Variants in HSPA4L observed in about 807,000 individuals in gnomAD.
The protein encoded by HSPA4L is heat shock protein family A (Hsp70) member 4 like.
In HSPA4L, 48 loss-of-function variants were observed where a neutral mutation model predicts 100.3. The observed-to-expected ratio is 0.48, with a 90% CI of 0.38 to 0.61. The LOEUF (loss-of-function observed/expected upper bound fraction) is 0.61, where lower values mean the gene tolerates loss of function less well. HSPA4L is among the 20% of genes least tolerant of loss of function. The probability of loss-of-function intolerance (pLI) is 0.00; values close to 1 mark genes in which losing one functional copy is unlikely to be tolerated. For missense variants in HSPA4L, 886 were observed against 988.6 expected (o/e 0.90, Z 1.39); for synonymous variants, 319 against 328.2 (o/e 0.97, Z 0.30).
intron 6 of HSPA4L, among the ~76,000 whole-genome samples, 192 bp downstream of exon 6, chr4:127,802,110 A>C (rs1012854751): frequency 1.3e-5 from 2 of 152,180 alleles, no homozygotes; most frequent in Admixed American, 6.5e-5. Flanking sequence ...TTTCAGGACA[A>C]AATGAGTTAA....
intron 11 of HSPA4L, 77 bp from the exon 12 acceptor site, chr4:127,811,360 T>C: frequency 3.6e-6 from 4 of 1,102,968 alleles, no homozygotes; most frequent in Non-Finnish European, 5.5e-6. Flanking sequence ...ATCTTAAAGA[T>C]GATAGCCAAA....
Position 127,833,158 on chromosome 4 carries a change from CTTAT to C in HSPA4L, c.*288_*291del, listed in dbSNP as rs1326462242. ...GGATACATAGTTGGCAACAGTCTAC[CTTAT>C]TTAAAGCTTCTACTGGGATAAACCT... On this transcript the variant is annotated 3_prime_UTR_variant, in exon 19 of 19. Transcript: ENST00000296464. The C allele has an allele frequency of 4.0e-6, 1 of 251,980 alleles. No individual in the cohort carries two copies. 15.6% of individuals were successfully genotyped at this position (251,980 alleles called of 1,614,324 possible).
At chr4:127,789,109 G>A (rs896067937) in intron 1 of HSPA4L, among the ~76,000 whole-genome samples, 2 of 152,050 alleles carry the variant, frequency 1.3e-5, no homozygotes, top group African/African-American at 4.8e-5. Context: ...ACCTAATTAC[G>A]CTTGGCCTTA....
intron 17 of HSPA4L, among the ~76,000 whole-genome samples, chr4:127,829,824 CA>C (rs1734035830): frequency 6.7e-6 from 1 of 150,072 alleles, no homozygotes; most frequent in African/African-American, 2.5e-5. Flanking sequence ...GATGAACTGG[CA>C]AAAGAAACTT....
chr4:127,826,763 TAC>T (rs1425656372), intron 16 of HSPA4L, among the ~76,000 whole-genome samples: 2 of 152,276 alleles, frequency 1.3e-5, no homozygotes, highest in South Asian at 2.1e-4. Flanking sequence ...TTCCCAAAAC[TAC>T]AGAGTCTGTT....
Position 127,836,716 on chromosome 4 carries a change from TA to T in HSPA4L, c.*3844del, listed in dbSNP as rs1433772056. 6.6e-6 allele frequency: 1 copy of T among 152,076 alleles called. No individual in the cohort carries two copies. Among genetic ancestry groups the T allele is most frequent in the Non-Finnish European group, 1.5e-5 (1 of 68,020 alleles). 9.4% of individuals were successfully genotyped at this position (152,076 alleles called of 1,614,324 possible). The stretch of plus-strand genomic sequence containing the variant: ...AGACATTTGAATATAGTAATCAAAT[TA>T]ACTGATTTTGTTTTCACCCTAAATA... On this transcript the variant is annotated 3_prime_UTR_variant, in exon 19 of 19. Coordinates refer to ENST00000296464, the MANE Select transcript of HSPA4L (RefSeq NM_014278.4).
chr4:127,824,532 T>C (rs1412345752), intron 16 of HSPA4L, among the ~76,000 whole-genome samples: 1 of 152,220 alleles, frequency 6.6e-6, no homozygotes, highest in Non-Finnish European at 1.5e-5. Flanking sequence ...TGTTTATAGA[T>C]GATCAGAGTG....
intron 10 of HSPA4L, 59 bp from the exon 11 acceptor site, chr4:127,807,937 A>G (rs1243982327): frequency 6.6e-7 from 1 of 1,516,050 alleles, no homozygotes. Context: ...GGATTCAGTA[A>G]ATAGGTTCAT....
In HSPA4L at chr4:127,805,761, A is replaced by G. The variant is rs1733338454; in HGVS notation, c.1212A>G (p.Leu404=). Residue 404 remains leucine, a synonymous_variant, in exon 10 of 19, where the codon TTA becomes TTG. Transcript: ENST00000296464. ...ITDLVPYSIT[L]RWKTSFEDGS... ...ACCTTGTTCCCTATTCAATCACATT[A>G]AGGTGGAAGACCTCTTTTGAAGATG... 1.2e-6 allele frequency: 2 copies of G among 1,611,386 alleles called. No individual in the cohort carries two copies. The highest frequency in any genetic ancestry group is 1.7e-5 in the Admixed American group (1 of 59,954).
chr4:127,789,241 A>T (rs542001840), intron 1 of HSPA4L, among the ~76,000 whole-genome samples: 1 of 152,258 alleles, frequency 6.6e-6, no homozygotes, highest in Admixed American at 6.5e-5. Context: ...TAAAAGGAAC[A>T]TAGGACATTT....
At chr4:127,801,479 GTGTGTGTGTGTGTGTGTGTGTGTA>G (rs1402789348) in intron 5 of HSPA4L, among the ~76,000 whole-genome samples, 2 of 150,292 alleles carry the variant, frequency 1.3e-5, no homozygotes, top group Admixed American at 6.7e-5. Context: ...GTGTGTGTGT[GTGTGTGTGTGTGTGTGTGTGTGTA>G]TGTACTGATT....
intron 17 of HSPA4L, among the ~76,000 whole-genome samples, chr4:127,827,691 TTGTTTTCTTCCTAGAGATTTCATTTTTA>T (rs564090058): frequency 2.9e-3 from 440 of 152,238 alleles, no homozygotes; most frequent in Non-Finnish European, 3.9e-3. Flanking sequence ...ACCAAATCCA[TTGTTTTCTTCCTAGAGATTTCATTTTTA>T]TGTTTTTCAT....
chr4:127,781,849 G>T (rs1732559263), upstream of HSPA4L: 4 of 270,734 alleles, frequency 1.5e-5, no homozygotes. Flanking sequence ...CGAGGCCTGC[G>T]GGCGAGCCCT....
chr4:127,818,382 C>T lies in HSPA4L; in HGVS notation c.1636C>T (p.Pro546Ser), dbSNP rs1419011120. Residue 546 changes from proline (P) to serine (S), a missense_variant, in exon 13 of 19, where the codon CCA (proline) becomes TCA (serine). By Grantham distance (74) the Pro-to-Ser change is moderately conservative (BLOSUM62 -1). Transcript: ENST00000296464. ...GHQKCHAEHT[P>S]EEEIDHTGAK... ...TCAAAAATGTCATGCTGAACACACTCCAGAAGAGGAAATTGATCATACAGG... is the reference window on the plus strand; with the variant it reads ...TCAAAAATGTCATGCTGAACACACTTCAGAAGAGGAAATTGATCATACAGG... 1 of 1,610,166 alleles carries T rather than the reference C, an allele frequency of 6.2e-7. No homozygotes were observed. The highest frequency in any genetic ancestry group is 8.5e-7 in the Non-Finnish European group (1 of 1,177,718).
chr4:127,813,475 G>A (rs552215357), intron 12 of HSPA4L: 27 of 275,406 alleles, frequency 9.8e-5, no homozygotes, highest in Non-Finnish European at 1.6e-4. Flanking sequence ...TGTTAGTGAA[G>A]GTACAGTTTT....
chr4:127,832,677 C>G lies in HSPA4L; in HGVS notation c.2329-6C>G, dbSNP rs776186701. 6.3e-7 allele frequency: 1 copy of G among 1,589,630 alleles called. No homozygotes were observed. The highest frequency in any genetic ancestry group is 1.8e-5 in the Admixed American group (1 of 56,752). ...TTTAATATAATCAATTTCTTCATGTCTTTAGGAACTGGATAATTTCTGTAA... is the reference window on the plus strand; with the variant it reads ...TTTAATATAATCAATTTCTTCATGTGTTTAGGAACTGGATAATTTCTGTAA... On this transcript the variant is annotated splice_polypyrimidine_tract_variant and splice_region_variant and intron_variant, in intron 18 of 18. Transcript: ENST00000296464.
intron 4 of HSPA4L, among the ~76,000 whole-genome samples, chr4:127,799,879 G>T (rs947717254): frequency 1.3e-5 from 2 of 152,130 alleles, no homozygotes; most frequent in Non-Finnish European, 2.9e-5. Flanking sequence ...TGATAACTTA[G>T]ATTTTTGTCA....
intron 1 of HSPA4L, among the ~76,000 whole-genome samples, chr4:127,788,541 G>T (rs959943859): frequency 2.0e-5 from 3 of 152,176 alleles, no homozygotes; most frequent in Non-Finnish European, 4.4e-5. Flanking sequence ...CCAAGAAAGG[G>T]ATGTTTTTCC....
In HSPA4L at chr4:127,827,565, T is replaced by C; in HGVS notation, c.2166+141T>C. The C allele has an allele frequency of 8.6e-6, 5 of 580,328 alleles. 1 individual carries two copies. In the Middle Eastern group the frequency reaches 2.0e-3, roughly 232 times the overall value. The allele number at this position is 580,328 out of a possible 1,614,324, so 35.9% of individuals were successfully genotyped here. ...AGACTTTGTGTACCAAACTTAAAAC[T>C]TTTTTTTTTATTGGAGAATTTCACT... is the stretch of plus-strand genomic sequence containing the variant. On this transcript the variant is annotated intron_variant, in intron 17 of 18. Transcript: ENST00000296464.
Sources: gnomAD v4.1 joint callset for allele counts (sites outside exome capture counted in the v4.1 genomes callset) on GRCh38, gnomAD v4.1.1 for gene constraint, MANE v1.5 for transcripts, NCBI Gene and HGNC (gene_info 2026-07-23, HGNC 2026-07-21) for gene names.